The following APLP2 variants were observed in gnomAD, a reference collection of about 807,000 sequenced individuals.
APLP2 encodes CDEI box-binding protein.
Under a neutral mutation model 89.9 loss-of-function variants are expected in APLP2, and 53 were observed. The observed-to-expected ratio is 0.59, with a 90% confidence interval of 0.47 to 0.74. The LOEUF (loss-of-function observed/expected upper bound fraction) is 0.74. Ranked by LOEUF, APLP2 falls within the 30% of genes least tolerant of loss-of-function variation. APLP2 has a pLI of 0.00. For missense variants in APLP2, 973 were observed against 975.9 expected, an observed-to-expected ratio of 1.00 and a Z score of 0.04; for synonymous variants, 372 against 348.6, an observed-to-expected ratio of 1.07 and a Z score of -0.75.
Position 130,140,471 on chromosome 11 carries a change from GGATGA to G in APLP2, c.1912_1916del (p.Asp638LysfsTer5), listed in dbSNP as rs1359649738. ...AAGTGATTAACAGTAAGAATAAAGTGGATGAAAACATGGTGAGCCTGTTCTTTCTT... is the reference window on the plus strand; with the variant it reads ...AAGTGATTAACAGTAAGAATAAAGTGAAACATGGTGAGCCTGTTCTTTCTT... On this transcript the variant is annotated frameshift_variant, in exon 14 of 17. Coordinates refer to ENST00000338167, the MANE Select transcript of APLP2 (RefSeq NM_001142276.2). LOFTEE classifies it high-confidence loss of function. 1 of 1,610,192 alleles carries G rather than the reference GGATGA, an allele frequency of 6.2e-7. No homozygotes were observed. The highest frequency in any genetic ancestry group is 1.7e-5 in the Admixed American group (1 of 59,240).
chr11:130,132,016 C>CTGGATATGAGTGAGA (rs1950982408), intron 11 of APLP2, among the ~76,000 whole-genome samples: 1 of 152,142 alleles, frequency 6.6e-6, no homozygotes, highest in East Asian at 1.9e-4. Flanking sequence ...GTCTGCTTGT[C>CTGGATATGAGTGAGA]TGGATATGAG....
intron 1 of APLP2, among the ~76,000 whole-genome samples, chr11:130,085,011 T>C (rs1012746083): frequency 2.5e-4 from 38 of 152,212 alleles, no homozygotes; most frequent in African/African-American, 8.9e-4. Context: ...GAGACTATTA[T>C]GAGCAGTTGT....
At chr11:130,091,683 C>A (rs1945256623) in intron 1 of APLP2, among the ~76,000 whole-genome samples, 1 of 130,046 alleles carries the variant, frequency 7.7e-6, no homozygotes. Flanking sequence ...AGAGGCGCCC[C>A]TCACCTCCCG....
chr11:130,072,472 G>A (rs964277445), intron 1 of APLP2, among the ~76,000 whole-genome samples: 2 of 118,752 alleles, frequency 1.7e-5, no homozygotes, highest in African/African-American at 3.7e-5. Context: ...TAGGAATATC[G>A]TCTTTTTTTT....
intron 1 of APLP2, chr11:130,070,512 G>C (rs1940774813): frequency 8.2e-7 from 1 of 1,220,086 alleles, no homozygotes; most frequent in Non-Finnish European, 1.0e-6. Context: ...ACGCTCCCTC[G>C]CGCGGCACCG....
chr11:130,071,729 T>A (rs567838257), intron 1 of APLP2, among the ~76,000 whole-genome samples: 1 of 152,258 alleles, frequency 6.6e-6, no homozygotes, highest in Non-Finnish European at 1.5e-5. Context: ...ATTTGATTGT[T>A]AGCCACAGCG....
chr11:130,135,915 C>G (rs1951527979), intron 13 of APLP2, among the ~76,000 whole-genome samples, 200 bp downstream of exon 13: 1 of 152,174 alleles, frequency 6.6e-6, no homozygotes, highest in East Asian at 1.9e-4. Flanking sequence ...GTCAATGTCA[C>G]CATGAAGTTA....
Position 130,123,463 on chromosome 11 carries a change from T to C in APLP2, c.923-149T>C. The C allele has an allele frequency of 1.3e-6, 1 of 765,886 alleles. No homozygotes were observed. Among genetic ancestry groups the C allele is most frequent in the East Asian group, 2.7e-5 (1 of 37,096 alleles). 47.4% of individuals were successfully genotyped at this position (765,886 alleles called of 1,614,324 possible). A position where few individuals can be genotyped will look rare whatever the true frequency, so the allele number is the denominator to read the frequency against. Reference sequence around the variant, plus strand: ...CAACTTGTCCTCAGCAAGGCTGGCCTGAGCTGGAGCTTTCGGCCACCGGGC... The same window carrying C: ...CAACTTGTCCTCAGCAAGGCTGGCCCGAGCTGGAGCTTTCGGCCACCGGGC... On this transcript the variant is annotated intron_variant, in intron 6 of 16. Transcript: ENST00000338167. The surrounding 1 kb of genome is among the most constrained non-coding windows in gnomAD (Gnocchi z 4.0).
rs534180707 is a variant in APLP2, at chr11:130,140,571, C to T, written c.1923+88C>T. 1.5e-4 allele frequency: 166 copies of T among 1,118,482 alleles called. No homozygotes were observed. In the Middle Eastern group the frequency reaches 1.7e-3, roughly 11 times the overall value. 69.3% of individuals were successfully genotyped at this position (1,118,482 alleles called of 1,614,324 possible). A position where few individuals can be genotyped will look rare whatever the true frequency, so the allele number is the denominator to read the frequency against. ...CTGATGTCAGATGCTTCCAGGTGCA[C>T]GTCTCTGTGTTCGTTTTCCGCACAG... On this transcript the variant is annotated intron_variant, in intron 14 of 16. Coordinates refer to ENST00000338167, the MANE Select transcript of APLP2 (RefSeq NM_001142276.2).
chr11:130,141,844 C>A lies in APLP2; in HGVS notation c.1999-75C>A. ...GGGGCTCGACCTTCCAGGAGCGTGGCCCTCAGTGAGTTACTTGCCTCACGG... is the reference window on the plus strand; with the variant it reads ...GGGGCTCGACCTTCCAGGAGCGTGGACCTCAGTGAGTTACTTGCCTCACGG... On this transcript the variant is annotated intron_variant, in intron 15 of 16. Coordinates refer to ENST00000338167, the MANE Select transcript of APLP2 (RefSeq NM_001142276.2). The surrounding 1 kb of genome is among the most constrained non-coding windows in gnomAD (Gnocchi z 4.2). 6.6e-7 allele frequency: 1 copy of A among 1,524,836 alleles called. No homozygotes were observed. The highest frequency in any genetic ancestry group is 8.9e-7 in the Non-Finnish European group (1 of 1,121,918). 94.5% of individuals were successfully genotyped at this position (1,524,836 alleles called of 1,614,324 possible).
In APLP2 at chr11:130,070,001, C is replaced by A. The variant is rs1202640572; in HGVS notation, c.24C>A (p.Ala8=). MAATGTA[A]AAATGRLLLL... The stretch of plus-strand genomic sequence containing the variant: ...GGATGGCGGCCACCGGGACCGCGGC[C>A]GCCGCAGCCACGGGCAGGCTCCTGC... Residue 8 remains alanine, a synonymous_variant, in exon 1 of 17, where the codon GCC becomes GCA. Coordinates refer to ENST00000338167, the MANE Select transcript of APLP2 (RefSeq NM_001142276.2). 4 of 1,504,492 alleles carry A rather than the reference C, an allele frequency of 2.7e-6. No individual in the cohort carries two copies. In the African/African-American group the frequency reaches 4.3e-5, roughly 16 times the overall value. 93.2% of individuals were successfully genotyped at this position (1,504,492 alleles called of 1,614,324 possible).
intron 1 of APLP2, among the ~76,000 whole-genome samples, chr11:130,097,986 T>C (rs1286222061): frequency 6.6e-6 from 1 of 152,192 alleles, no homozygotes; most frequent in Non-Finnish European, 1.5e-5. Context: ...ACACTAGACC[T>C]TTCTTAGGTT....
intron 3 of APLP2, among the ~76,000 whole-genome samples, chr11:130,111,438 T>G (rs997553744): frequency 6.6e-6 from 1 of 152,186 alleles, no homozygotes; most frequent in South Asian, 2.1e-4. Context: ...GATACAGCAT[T>G]AATGTAGACA....
chr11:130,141,016 C>G lies in APLP2; in HGVS notation c.1924-482C>G, dbSNP rs1301979839. 6.5e-6 allele frequency: 1 copy of G among 154,792 alleles called. No homozygotes were observed. The highest frequency in any genetic ancestry group is 1.4e-5 in the Non-Finnish European group (1 of 70,194). 9.6% of individuals were successfully genotyped at this position (154,792 alleles called of 1,614,324 possible). On this transcript the variant is annotated intron_variant, in intron 14 of 16. Coordinates refer to ENST00000338167, the MANE Select transcript of APLP2 (RefSeq NM_001142276.2). This position sits in a 1 kb window ranked among gnomAD's most constrained non-coding sequence, Gnocchi z 4.2. Reference sequence around the variant, plus strand: ...CCACCTCCCGGGTTCACGCCATTCTCCTGCCTCAGCCTCCCAAGTAGCTGG... The same window carrying G: ...CCACCTCCCGGGTTCACGCCATTCTGCTGCCTCAGCCTCCCAAGTAGCTGG...
At position 130,122,631 on chromosome 11, in the gene APLP2, C is replaced by G. The variant is rs1949953992; in HGVS notation, c.922+118C>G. On this transcript the variant is annotated intron_variant, in intron 6 of 16. Coordinates refer to ENST00000338167, the MANE Select transcript of APLP2 (RefSeq NM_001142276.2). ...GAAGGAAAGGTGTGGTACCTCTGCACTGAAGGTGAGTTCAGCTCTCCAGTG... is the reference window on the plus strand; with the variant it reads ...GAAGGAAAGGTGTGGTACCTCTGCAGTGAAGGTGAGTTCAGCTCTCCAGTG... 3 of 1,503,382 alleles carry G rather than the reference C, an allele frequency of 2.0e-6. No homozygotes were observed. The East Asian group carries it at 7.3e-5, about 37-fold the overall frequency. The allele number at this position is 1,503,382 out of a possible 1,614,324, so 93.1% of individuals were successfully genotyped here.
At chr11:130,134,182 C>T (rs1951268141) in intron 12 of APLP2, among the ~76,000 whole-genome samples, 1 of 152,176 alleles carries the variant, frequency 6.6e-6, no homozygotes, top group African/African-American at 2.4e-5. Flanking sequence ...CAGATGGTAC[C>T]TGCTGGAGTT....
chr11:130,091,553 C>T (rs1304327180), intron 1 of APLP2, among the ~76,000 whole-genome samples: 6 of 142,160 alleles, frequency 4.2e-5, no homozygotes, highest in South Asian at 2.2e-4. Flanking sequence ...CTGACCCCCC[C>T]ACCTCCCTCC....
chr11:130,086,045 C>G (rs935316251), intron 1 of APLP2, among the ~76,000 whole-genome samples: 2 of 152,186 alleles, frequency 1.3e-5, no homozygotes, highest in Non-Finnish European at 2.9e-5. Context: ...TCAGTTCTTT[C>G]GGATATTTAC....
chr11:130,114,426 C>T (rs899084404), intron 3 of APLP2: 2 of 152,190 alleles, frequency 1.3e-5, no homozygotes, highest in Non-Finnish European at 2.9e-5. Flanking sequence ...GAAGGGTTCT[C>T]ACTGCATCAT....
Sources: allele counts gnomAD v4.1 joint callset (sites outside exome capture counted in the v4.1 genomes callset), GRCh38; gene constraint gnomAD v4.1.1; non-coding constraint Gnocchi (gnomAD v3.1); transcripts MANE v1.5; gene names NCBI Gene and HGNC (gene_info 2026-07-23, HGNC 2026-07-21).